Variants in ZNF521 observed in about 807,000 individuals in gnomAD.
ZNF521 encodes the protein zinc finger protein 521.
ZNF521 carries 14 observed loss-of-function variants against 105.5 expected under a neutral mutation model. The observed-to-expected ratio is 0.13, with a 90% CI of 0.09 to 0.21. The LOEUF (loss-of-function observed/expected upper bound fraction) is 0.21, where lower values mean the gene tolerates loss of function less well. Ranked by LOEUF, ZNF521 falls within the 10% of genes least tolerant of loss-of-function variation. The pLI, the probability that ZNF521 is intolerant of heterozygous loss-of-function variation, is 1.00. For synonymous variants in ZNF521, 635 were observed against 606.0 expected (o/e 1.05, Z -0.70); for missense variants, 1,233 against 1,629.7 (o/e 0.76, Z 4.19).
At chr18:25,339,157 A>G (rs563181238) in intron 2 of ZNF521, among the ~76,000 whole-genome samples, 1 of 152,336 alleles carries the variant, frequency 6.6e-6, no homozygotes, top group Non-Finnish European at 1.5e-5. Flanking sequence ...TATTGTTGTA[A>G]AACTAAGTAA....
intron 3 of ZNF521, among the ~76,000 whole-genome samples, chr18:25,267,137 T>G (rs1361339704): frequency 6.6e-6 from 1 of 152,144 alleles, no homozygotes; most frequent in East Asian, 1.9e-4. Flanking sequence ...AGTTTTACCC[T>G]CACAGTGTAA....
intron 5 of ZNF521, among the ~76,000 whole-genome samples, chr18:25,139,372 C>CAAAAAAAAAAAAAAAAAAAAAAAAA (rs36175281): frequency 1.9e-4 from 10 of 51,388 alleles, no homozygotes; most frequent in East Asian, 8.4e-4. Flanking sequence ...GACTCTGTCT[C>CAAAAAAAAAAAAAAAAAAAAAAAAA]AAAAAAAAAA....
intron 3 of ZNF521, among the ~76,000 whole-genome samples, chr18:25,274,108 T>C (rs2144956939): frequency 6.6e-6 from 1 of 152,286 alleles, no homozygotes; most frequent in East Asian, 1.9e-4. Flanking sequence ...AAGAACCTTC[T>C]TCCATGATGC....
Position 25,322,193 on chromosome 18 carries a change from A to G in ZNF521, c.41-6T>C. On this transcript the variant is annotated splice_region_variant and splice_polypyrimidine_tract_variant and intron_variant, in intron 2 of 7. Transcript: ENST00000361524. ...TTCAAGTTTACAGTTGGGGTCTGAA[A>G]AATATCAACACTGTAAGTATGGGGT... 1.2e-6 allele frequency: 2 copies of G among 1,613,812 alleles called. No individual in the cohort carries two copies. The highest frequency in any genetic ancestry group is 1.7e-6 in the Non-Finnish European group (2 of 1,179,724).
At chr18:25,074,775 T>C (rs2033319854) in intron 7 of ZNF521, among the ~76,000 whole-genome samples, 1 of 152,098 alleles carries the variant, frequency 6.6e-6, no homozygotes, top group Non-Finnish European at 1.5e-5. Flanking sequence ...TCTCACTTCC[T>C]GGGCACCTTT....
At chr18:25,268,958 T>C (rs1341881269) in intron 3 of ZNF521, among the ~76,000 whole-genome samples, 3 of 151,870 alleles carry the variant, frequency 2.0e-5, no homozygotes, top group Non-Finnish European at 2.9e-5. Flanking sequence ...ACAGGACAAA[T>C]GCCCCAATTA....
At chr18:25,282,240 G>A (rs769804660) in intron 3 of ZNF521, among the ~76,000 whole-genome samples, 1 of 152,146 alleles carries the variant, frequency 6.6e-6, no homozygotes, top group Admixed American at 6.5e-5. Context: ...AACTGTTTTG[G>A]GGGGATGAGG....
At chr18:25,262,582 A>G (rs956754244) in intron 3 of ZNF521, among the ~76,000 whole-genome samples, 1 of 152,262 alleles carries the variant, frequency 6.6e-6, no homozygotes, top group Non-Finnish European at 1.5e-5. Flanking sequence ...AGAGAAAAAC[A>G]GAATCTCTGC....
intron 3 of ZNF521, among the ~76,000 whole-genome samples, chr18:25,271,296 A>G (rs1909641003): frequency 6.6e-6 from 1 of 152,256 alleles, no homozygotes; most frequent in South Asian, 2.1e-4. Context: ...AGAACATTCC[A>G]TGCTCATGGT....
intron 5 of ZNF521, among the ~76,000 whole-genome samples, chr18:25,134,092 C>T (rs550272038): frequency 3.3e-5 from 5 of 152,174 alleles, no homozygotes; most frequent in African/African-American, 1.2e-4. Context: ...TCCTGTCTTA[C>T]TGCTGGCGGC....
intron 3 of ZNF521, among the ~76,000 whole-genome samples, chr18:25,234,497 A>G (rs1178622893): frequency 2.6e-5 from 4 of 152,186 alleles, no homozygotes; most frequent in African/African-American, 7.2e-5. Flanking sequence ...CAGGTCTAAT[A>G]TTGGCTTGTG....
chr18:25,333,314 C>CTCTATATATA (rs572058933), intron 2 of ZNF521, among the ~76,000 whole-genome samples: 4 of 145,716 alleles, frequency 2.7e-5, no homozygotes, highest in Admixed American at 6.9e-5. Flanking sequence ...CTCTCTCTCT[C>CTCTATATATA]TATATATATA....
intron 5 of ZNF521, among the ~76,000 whole-genome samples, chr18:25,100,253 G>T (rs2033941245): frequency 6.6e-6 from 1 of 152,080 alleles, no homozygotes; most frequent in Non-Finnish European, 1.5e-5. Flanking sequence ...ACAAACACAA[G>T]AAATTGAGTG....
chr18:25,304,827 C>T (rs1911879802), intron 3 of ZNF521, among the ~76,000 whole-genome samples: 1 of 152,134 alleles, frequency 6.6e-6, no homozygotes, highest in Admixed American at 6.5e-5. Context: ...GATATACTGC[C>T]ATAGGCAACA....
chr18:25,132,748 G>A (rs1352807094), intron 5 of ZNF521, among the ~76,000 whole-genome samples: 1 of 152,100 alleles, frequency 6.6e-6, no homozygotes, highest in Non-Finnish European at 1.5e-5. Flanking sequence ...TAATTAACAT[G>A]AGAATGCCCC....
chr18:25,297,941 C>T (rs1911416968), intron 3 of ZNF521, among the ~76,000 whole-genome samples: 1 of 152,128 alleles, frequency 6.6e-6, no homozygotes, highest in Admixed American at 6.5e-5. Flanking sequence ...TAGATTAGTA[C>T]ATTCACTAAT....
chr18:25,300,089 T>G (rs1353570126), intron 3 of ZNF521, among the ~76,000 whole-genome samples: 3 of 152,182 alleles, frequency 2.0e-5, no homozygotes, highest in African/African-American at 7.2e-5. Flanking sequence ...GAAGTACTCC[T>G]TCTTGGAACC....
intron 5 of ZNF521, among the ~76,000 whole-genome samples, chr18:25,166,750 C>G (rs2035349134): frequency 6.6e-6 from 1 of 152,148 alleles, no homozygotes; most frequent in Non-Finnish European, 1.5e-5. Context: ...AAACATATAA[C>G]TAGACAATTG....
chr18:25,275,299 T>A (rs1005216207), intron 3 of ZNF521, among the ~76,000 whole-genome samples: 8 of 152,142 alleles, frequency 5.3e-5, no homozygotes, highest in East Asian at 1.9e-4. Flanking sequence ...AAAATTTTTT[T>A]AAAAAATAGG....
Sources: gnomAD v4.1 joint callset for allele counts (sites outside exome capture counted in the v4.1 genomes callset) on GRCh38, gnomAD v4.1.1 for gene constraint, MANE v1.5 for transcripts, NCBI Gene and HGNC (gene_info 2026-07-23, HGNC 2026-07-21) for gene names.